MAML2: variants seen among roughly 807,000 people sequenced by gnomAD.
MAML2 encodes mastermind like transcriptional coactivator 2, also known as mastermind-like protein 2.
A neutral mutation model predicts 96.1 loss-of-function variants in MAML2; 22 were observed. The observed-to-expected ratio is 0.23, with a 90% CI of 0.16 to 0.33. MAML2 has a LOEUF of 0.33. Ranked by LOEUF, MAML2 falls within the 10% of genes least tolerant of loss-of-function variation. The probability of loss-of-function intolerance (pLI) is 1.00; values close to 1 mark genes in which losing one functional copy is unlikely to be tolerated. For missense variants in MAML2, 1,367 were observed against 1,392.4 expected (o/e 0.98, Z 0.29); for synonymous variants, 561 against 521.3 (o/e 1.08, Z -1.04).
chr11:96,220,367 C>T (rs986267417), intron 1 of MAML2, among the ~76,000 whole-genome samples: 1 of 152,142 alleles, frequency 6.6e-6, no homozygotes, highest in Non-Finnish European at 1.5e-5. Context: ...TTTCAACTGC[C>T]TTAGAGATTT....
intron 1 of MAML2, among the ~76,000 whole-genome samples, chr11:96,212,104 A>G (rs1861979657): frequency 8.0e-6 from 1 of 124,818 alleles, no homozygotes. Context: ...TAAAAGGAAG[A>G]CAAAGTGTGT....
chr11:96,108,525 C>T (rs1480260450), intron 1 of MAML2, among the ~76,000 whole-genome samples: 4 of 152,148 alleles, frequency 2.6e-5, no homozygotes, highest in Non-Finnish European at 5.9e-5. Flanking sequence ...TAATGTACCT[C>T]AGTTATCTCA....
At chr11:95,989,228 T>C (rs1591078957) in intron 3 of MAML2, among the ~76,000 whole-genome samples, 1 of 152,216 alleles carries the variant, frequency 6.6e-6, no homozygotes, top group Non-Finnish European at 1.5e-5. Context: ...ACAAAGCATA[T>C]GCTAATGTAC....
At chr11:96,073,893 C>G (rs1859390605) in intron 2 of MAML2, among the ~76,000 whole-genome samples, 1 of 151,950 alleles carries the variant, frequency 6.6e-6, no homozygotes, top group African/African-American at 2.4e-5. Flanking sequence ...GACGTGTGTT[C>G]ATTTCTGAAT....
At chr11:96,215,522 T>C (rs1445955047) in intron 1 of MAML2, among the ~76,000 whole-genome samples, 1 of 152,172 alleles carries the variant, frequency 6.6e-6, no homozygotes, top group Non-Finnish European at 1.5e-5. Context: ...CGAATACACA[T>C]TGTTGTCCCC....
chr11:96,328,679 T>G (rs901798399), intron 1 of MAML2, among the ~76,000 whole-genome samples: 4 of 152,036 alleles, frequency 2.6e-5, no homozygotes, highest in African/African-American at 9.7e-5. Flanking sequence ...TTTGGGAAAA[T>G]TTTTCTTTGT....
intron 3 of MAML2, among the ~76,000 whole-genome samples, chr11:95,989,938 A>G (rs1427094352): frequency 2.0e-5 from 3 of 152,162 alleles, no homozygotes; most frequent in Non-Finnish European, 1.5e-5. Flanking sequence ...TAAATATTTC[A>G]TAATGCAATC....
rs747829390 is a variant in MAML2 at position 95,979,800 on chromosome 11, C to T, written c.2619G>A (p.Leu873=). The change falls in exon 5 of 5, where the codon CTG becomes CTA. Residue 873 remains leucine (L), a synonymous_variant. Coordinates refer to ENST00000524717, the MANE Select transcript of MAML2 (RefSeq NM_032427.4). ...TGTATGTGTTAGGTTGATTACAAGGCAGATTTCCATACATCCCCATATTCT... is the reference window on the plus strand; with the variant it reads ...TGTATGTGTTAGGTTGATTACAAGGTAGATTTCCATACATCCCCATATTCT... The part of the protein sequence containing the change: ...AVQNMGMYGN[L]PCNQPNTYSV... 3.1e-6 allele frequency: 5 copies of T among 1,613,950 alleles called. No individual in the cohort carries two copies. In the Admixed American group the frequency reaches 5.0e-5, roughly 16 times the overall value.
intron 1 of MAML2, among the ~76,000 whole-genome samples, chr11:96,305,937 A>G (rs1218329648): frequency 6.6e-6 from 1 of 152,218 alleles, no homozygotes; most frequent in East Asian, 1.9e-4. Context: ...GACAAAGTGA[A>G]ATGCTCCTAG....
At chr11:96,335,352 C>G (rs189812026) in intron 1 of MAML2, among the ~76,000 whole-genome samples, 73 of 152,296 alleles carry the variant, frequency 4.8e-4, no homozygotes, top group African/African-American at 1.7e-3. Context: ...CTGATTTACA[C>G]ATCAAGAGAG....
intron 1 of MAML2, among the ~76,000 whole-genome samples, chr11:96,143,249 A>T (rs1384603461): frequency 6.6e-6 from 1 of 152,164 alleles, no homozygotes; most frequent in Non-Finnish European, 1.5e-5. Context: ...GACAAATGGG[A>T]TTCTTCCTGT....
At chr11:96,074,160 T>C (rs1859394652) in intron 2 of MAML2, among the ~76,000 whole-genome samples, 2 of 152,288 alleles carry the variant, frequency 1.3e-5, no homozygotes, top group Non-Finnish European at 2.9e-5. Context: ...TGTAAAAGTC[T>C]GAGGACCACT....
chr11:96,231,911 T>C (rs1862299081), intron 1 of MAML2, among the ~76,000 whole-genome samples: 1 of 152,208 alleles, frequency 6.6e-6, no homozygotes, highest in Non-Finnish European at 1.5e-5. Flanking sequence ...GATTCCATGC[T>C]CACCAAGAGT....
rs1401558432 is a variant in MAML2, at chr11:96,092,291, C to T, written c.1740G>A (p.Lys580=). The change falls in exon 2 of 5, where the codon AAG becomes AAA. Residue 580 remains lysine (K), a synonymous_variant. Transcript: ENST00000524717. This position sits in a 1 kb window ranked among gnomAD's most constrained non-coding sequence, Gnocchi z 4.1. The stretch of plus-strand genomic sequence containing the variant: ...GTTGGGTGTAGTGTAGGAGAGAAGG[C>T]TTGTTCTGGGAAGGCAAAACAGAAG... The part of the protein sequence containing the change: ...QMPSVLPSQN[K]PSLLHYTQQQ... 4 of 1,566,610 alleles carry T rather than the reference C, an allele frequency of 2.6e-6. No individual in the cohort carries two copies. Among genetic ancestry groups the T allele is most frequent in the Non-Finnish European group, 2.6e-6 (3 of 1,155,420 alleles).
At chr11:96,291,530 A>G (rs922648730) in intron 1 of MAML2, among the ~76,000 whole-genome samples, 11 of 152,188 alleles carry the variant, frequency 7.2e-5, no homozygotes, top group African/African-American at 2.4e-4. Context: ...ATCTTAGTTC[A>G]TGTGACATAA....
intron 1 of MAML2, among the ~76,000 whole-genome samples, chr11:96,170,090 A>G (rs1471559324): frequency 6.6e-6 from 1 of 152,238 alleles, no homozygotes; most frequent in African/African-American, 2.4e-5. Flanking sequence ...ACAGGTTCAG[A>G]GAATGCACAG....
chr11:96,172,356 C>G, intron 1 of MAML2, among the ~76,000 whole-genome samples: 1 of 152,156 alleles, frequency 6.6e-6, no homozygotes, highest in Non-Finnish European at 1.5e-5. Flanking sequence ...TGCATCAGAG[C>G]CAGACTGGTG....
At chr11:96,150,506 G>A (rs749781274) in intron 1 of MAML2, among the ~76,000 whole-genome samples, 10 of 152,106 alleles carry the variant, frequency 6.6e-5, no homozygotes, top group Non-Finnish European at 1.3e-4. Context: ...ATTTCTTGAA[G>A]CATTGGCAAC....
At chr11:96,235,178 G>A (rs1421003714) in intron 1 of MAML2, among the ~76,000 whole-genome samples, 1 of 152,096 alleles carries the variant, frequency 6.6e-6, no homozygotes, top group Non-Finnish European at 1.5e-5. Flanking sequence ...AGCTCCCAAC[G>A]AGACTTCCAT....
Sources: gnomAD v4.1 joint callset for allele counts (sites outside exome capture counted in the v4.1 genomes callset) on GRCh38, gnomAD v4.1.1 for gene constraint, Gnocchi (gnomAD v3.1) non-coding constraint, MANE v1.5 for transcripts, NCBI Gene and HGNC (gene_info 2026-07-23, HGNC 2026-07-21) for gene names.